Variants in GPHN observed in about 807,000 individuals in gnomAD.
The protein encoded by GPHN is gephyrin.
A neutral mutation model predicts 95.5 loss-of-function variants in GPHN; 17 were observed. The observed-to-expected ratio is 0.18, with a 90% CI of 0.12 to 0.27. The LOEUF (loss-of-function observed/expected upper bound fraction) is 0.27. Among genes scored for constraint, GPHN ranks in the 10% least tolerant of loss-of-function variants. The probability of loss-of-function intolerance (pLI) is 1.00; values close to 1 mark genes in which losing one functional copy is unlikely to be tolerated. For missense variants in GPHN, 660 were observed against 978.1 expected (o/e 0.67, Z 4.34); for synonymous variants, 320 against 322.5 (o/e 0.99, Z 0.08).
At chr14:66,698,569 A>G (rs1372866576) in intron 2 of GPHN, among the ~76,000 whole-genome samples, 4 of 152,220 alleles carry the variant, frequency 2.6e-5, no homozygotes, top group African/African-American at 9.6e-5. Context: ...AAATATTTTT[A>G]TCTTTGGAAA....
chr14:67,316,805 AC>A, the GPHN span: 1 of 1,582,174 alleles, frequency 6.3e-7, no homozygotes, highest in Non-Finnish European at 8.6e-7. Flanking sequence ...TAAATATTTT[AC>A]CCTTCTTTTT....
intron 2 of GPHN, among the ~76,000 whole-genome samples, chr14:66,708,140 T>C (rs111808672): frequency 1.6e-3 from 239 of 152,222 alleles, no homozygotes; most frequent in Non-Finnish European, 2.0e-3. Context: ...AGGGTACTTA[T>C]GTTGATTTAA....
intron 18 of GPHN, among the ~76,000 whole-genome samples, chr14:67,151,131 ACACT>A (rs1476950696): frequency 6.6e-6 from 1 of 152,232 alleles, no homozygotes; most frequent in African/African-American, 2.4e-5. Context: ...CAAACACTTC[ACACT>A]CACAAAATGA....
At chr14:66,703,414 A>G (rs2068750638) in intron 2 of GPHN, among the ~76,000 whole-genome samples, 1 of 152,216 alleles carries the variant, frequency 6.6e-6, no homozygotes, top group South Asian at 2.1e-4. Flanking sequence ...GGTCACCTAC[A>G]AAGGAAGCCC....
the GPHN span, chr14:67,467,027 T>C: frequency 4.1e-5 from 6 of 145,080 alleles, no homozygotes; most frequent in Admixed American, 3.4e-4. Context: ...GACTCCAGCC[T>C]ATCTCTGAAA....
chr14:67,355,829 C>CA, the GPHN span, among the ~76,000 whole-genome samples: 1,780 of 130,394 alleles, frequency 0.014, 29 homozygotes, highest in African/African-American at 0.044. Context: ...CCTGTCTCTA[C>CA]AAAAAAAAAA....
chr14:67,585,515 G>T, the GPHN span: 1 of 1,261,168 alleles, frequency 7.9e-7, no homozygotes, highest in South Asian at 1.3e-5. Context: ...AGTTATTATA[G>T]TTCAAAATCT....
At chr14:67,735,082 C>T in the GPHN span, 319 of 720,970 alleles carry the variant, frequency 4.4e-4, 3 homozygotes, top group East Asian at 3.7e-3. Flanking sequence ...CACCAAATAT[C>T]GGGAAGCTGA....
chr14:67,377,825 T>G, the GPHN span, among the ~76,000 whole-genome samples: 1 of 152,120 alleles, frequency 6.6e-6, no homozygotes, highest in East Asian at 1.9e-4. Flanking sequence ...CAGCCACACT[T>G]GGCTATGTGT....
In GPHN at chr14:66,508,210, C is replaced by G. The variant is rs1050723145; in HGVS notation, c.-318C>G. Reference sequence around the variant, plus strand: ...TCGCGCTCCGCAGAGCGTTCCGACACTCTCCGGCCTCGTTCTGCCGCCTCC... The same window carrying G: ...TCGCGCTCCGCAGAGCGTTCCGACAGTCTCCGGCCTCGTTCTGCCGCCTCC... On this transcript the variant is annotated 5_prime_UTR_variant, in exon 1 of 23. Coordinates refer to ENST00000478722, the MANE Select transcript of GPHN (RefSeq NM_020806.5). The G allele has an allele frequency of 3.8e-6, 2 of 521,444 alleles. No homozygotes were observed. Among genetic ancestry groups the G allele is most frequent in the African/African-American group, 3.9e-5 (2 of 51,852 alleles). The allele number at this position is 521,444 out of a possible 1,614,324, so 32.3% of individuals were successfully genotyped here. A position where few individuals can be genotyped will look rare whatever the true frequency, so the allele number is the denominator to read the frequency against.
the GPHN span, among the ~76,000 whole-genome samples, chr14:67,486,159 C>G: frequency 1.3e-5 from 2 of 152,228 alleles, no homozygotes; most frequent in African/African-American, 4.8e-5. Context: ...CAAATCTCAT[C>G]TTGAATTTCC....
chr14:67,727,478 T>G, the GPHN span: 145 of 345,766 alleles, frequency 4.2e-4, 4 homozygotes, highest in Admixed American at 6.3e-4. Flanking sequence ...GGCTTTTTGT[T>G]TTTTTTGTTT....
chr14:66,834,275 T>C (rs2061700725), intron 4 of GPHN, among the ~76,000 whole-genome samples: 1 of 152,162 alleles, frequency 6.6e-6, no homozygotes, highest in Non-Finnish European at 1.5e-5. Context: ...ACCCAAAACA[T>C]ACATCCTCTA....
At chr14:67,637,231 G>A in the GPHN span, among the ~76,000 whole-genome samples, 9 of 151,794 alleles carry the variant, frequency 5.9e-5, no homozygotes, top group African/African-American at 1.2e-4. Context: ...CCAACATGGC[G>A]AAACCTCGTC....
At chr14:67,288,803 T>G in the GPHN span, among the ~76,000 whole-genome samples, 1 of 152,140 alleles carries the variant, frequency 6.6e-6, no homozygotes, top group Non-Finnish European at 1.5e-5. Flanking sequence ...ATCCCTCAGC[T>G]CTTATCTAGC....
At chr14:67,275,323 G>A in the GPHN span, among the ~76,000 whole-genome samples, 12 of 152,118 alleles carry the variant, frequency 7.9e-5, no homozygotes, top group African/African-American at 2.4e-4. Context: ...AGAGTTTTTA[G>A]CATGAAGGGC....
intron 2 of GPHN, among the ~76,000 whole-genome samples, chr14:66,774,058 C>T (rs991274579): frequency 1.6e-5 from 2 of 124,160 alleles, no homozygotes; most frequent in African/African-American, 6.5e-5. Context: ...GGTTGGAGTG[C>T]AGTGGCTCAA....
intron 1 of GPHN, among the ~76,000 whole-genome samples, chr14:66,639,931 G>A (rs947550887): frequency 2.6e-5 from 4 of 152,102 alleles, no homozygotes; most frequent in African/African-American, 9.7e-5. Flanking sequence ...TTTCTGTTTA[G>A]AAAGTAACTG....
chr14:67,671,868 G>A, the GPHN span, among the ~76,000 whole-genome samples: 2 of 152,116 alleles, frequency 1.3e-5, no homozygotes, highest in Admixed American at 6.5e-5. Flanking sequence ...CAACAACCAA[G>A]CCACTCTCAG....
Sources: allele counts gnomAD v4.1 joint callset (sites outside exome capture counted in the v4.1 genomes callset), GRCh38; gene constraint gnomAD v4.1.1; transcripts MANE v1.5; gene names NCBI Gene and HGNC (gene_info 2026-07-23, HGNC 2026-07-21).